PRPS2: variants seen among roughly 807,000 people sequenced by gnomAD.
PRPS2 encodes the protein phosphoribosyl pyrophosphate synthetase 2, also known as ribose-phosphate pyrophosphokinase 2.
For synonymous variants in PRPS2, 111 were observed against 115.3 expected (o/e 0.96, Z 0.24); for missense variants, 104 against 271.5 (o/e 0.38, Z 4.34).
intron 5 of PRPS2, among the ~76,000 whole-genome samples, chrX:12,820,325 G>A (rs1317988442): frequency 9.0e-6 from 1 of 111,674 alleles, no homozygotes; most frequent in Non-Finnish European, 1.9e-5. Context: ...GACATTTTTT[G>A]TTGTCACGGC....
intron 4 of PRPS2, among the ~76,000 whole-genome samples, chrX:12,810,816 C>T (rs2042620020): frequency 9.4e-6 from 1 of 106,306 alleles, no homozygotes; most frequent in Non-Finnish European, 1.9e-5. Context: ...CACCACTGCA[C>T]TCCAGCCTGG....
intron 2 of PRPS2, among the ~76,000 whole-genome samples, chrX:12,808,907 C>T (rs1044132526): frequency 4.5e-5 from 5 of 111,847 alleles, no homozygotes; most frequent in Non-Finnish European, 7.5e-5. Flanking sequence ...CTCTCTCTCT[C>T]GGTACCTTTT....
At chrX:12,795,707 A>G (rs1471240879) in intron 1 of PRPS2, among the ~76,000 whole-genome samples, 1 of 112,461 alleles carries the variant, frequency 8.9e-6, no homozygotes, top group Non-Finnish European at 1.9e-5. Flanking sequence ...GTGAGGACAG[A>G]GCCCTTATGA....
intron 4 of PRPS2, among the ~76,000 whole-genome samples, chrX:12,814,967 T>C (rs931447818): frequency 4.5e-5 from 5 of 111,813 alleles, no homozygotes; most frequent in African/African-American, 1.6e-4. Context: ...TGTAAATATG[T>C]GCCCAGAAGA....
intron 6 of PRPS2, among the ~76,000 whole-genome samples, chrX:12,822,351 C>T (rs1208103126): frequency 1.8e-5 from 2 of 112,078 alleles, no homozygotes; most frequent in Non-Finnish European, 3.8e-5. Flanking sequence ...ACGCAGTCAC[C>T]GCCTTTTCAG....
chrX:12,791,420 A>C lies in PRPS2; in HGVS notation c.-78A>C, dbSNP rs1282107207. ...CGCGCTTTCCCGCTCCCGCAGCAGC[A>C]GCCTCCCGCGTCGCTGTCGCTGTTG... On this transcript the variant is annotated 5_prime_UTR_variant, in exon 1 of 7. Coordinates refer to ENST00000380668, the MANE Select transcript of PRPS2 (RefSeq NM_002765.5). The C allele has an allele frequency of 5.4e-6, 6 of 1,116,200 alleles. No individual in the cohort carries two copies. Among genetic ancestry groups the C allele is most frequent in the Non-Finnish European group, 7.1e-6 (6 of 839,730 alleles). The allele number at this position is 1,116,200 out of a possible 1,213,427, so 92.0% of individuals were successfully genotyped here. A position where few individuals can be genotyped will look rare whatever the true frequency, so the allele number is the denominator to read the frequency against.
chrX:12,799,277 G>A lies in PRPS2; in HGVS notation c.193G>A (p.Asp65Asn). ...CCAGAGCGGCTGCGGGGAAATTAAC[G>A]ACAACCTGATGGAACTCCTCATCAT... is the stretch of plus-strand genomic sequence containing the variant. ...IIQSGCGEIN[D>N]NLMELLIMIN... Residue 65 changes from aspartate (D) to asparagine (N), a missense_variant, in exon 2 of 7, where the codon GAC (aspartate) becomes AAC (asparagine). By Grantham distance (23) the Asp-to-Asn change is conservative (BLOSUM62 1). Coordinates refer to ENST00000380668, the MANE Select transcript of PRPS2 (RefSeq NM_002765.5). The A allele has an allele frequency of 3.3e-6, 4 of 1,211,526 alleles. No homozygotes were observed. Among genetic ancestry groups the A allele is most frequent in the Non-Finnish European group, 3.4e-6 (3 of 895,419 alleles).
chrX:12,799,045 T>A (rs184691815), intron 1 of PRPS2, among the ~76,000 whole-genome samples, 162 bp from the exon 2 acceptor site: 2 of 111,970 alleles, frequency 1.8e-5, no homozygotes, highest in East Asian at 5.6e-4. Flanking sequence ...TTGCTGAGTT[T>A]GCTCTGTGTC....
At chrX:12,806,064 C>T (rs1178031567) in intron 2 of PRPS2, among the ~76,000 whole-genome samples, 1 of 100,109 alleles carries the variant, frequency 1.0e-5, no homozygotes, top group Non-Finnish European at 2.0e-5. Flanking sequence ...GGTGACAGAG[C>T]GGGACTCCGT....
chrX:12,793,869 C>G (rs997884917), intron 1 of PRPS2, among the ~76,000 whole-genome samples: 4 of 111,931 alleles, frequency 3.6e-5, no homozygotes, highest in Admixed American at 1.9e-4. Context: ...ACCTTCTTAT[C>G]CCTAAATCAT....
rs1340261489 is a variant in PRPS2, at chrX:12,822,923, A to G, written c.*127A>G. ...TGGCAAAAGCATCAGATCTTTGTAT[A>G]TGCTAAGATTTATTGTTTCCCCTTC... is the stretch of plus-strand genomic sequence containing the variant. On this transcript the variant is annotated 3_prime_UTR_variant, in exon 7 of 7. Coordinates refer to ENST00000380668, the MANE Select transcript of PRPS2 (RefSeq NM_002765.5). 1.2e-5 allele frequency: 6 copies of G among 491,749 alleles called. No individual in the cohort carries two copies. Among genetic ancestry groups the G allele is most frequent in the Non-Finnish European group, 2.1e-5 (6 of 287,022 alleles). 40.5% of individuals were successfully genotyped at this position (491,749 alleles called of 1,213,427 possible).
intron 1 of PRPS2, among the ~76,000 whole-genome samples, chrX:12,793,452 C>T (rs143549598): frequency 0.015 from 1,706 of 112,534 alleles, 10 homozygotes; most frequent in Middle Eastern, 0.055. Context: ...ATTTTATAAC[C>T]ATCACTTGAT....
rs912275114 is a variant in PRPS2 at position 12,823,140 on chromosome X, A to G, written c.*344A>G. On this transcript the variant is annotated 3_prime_UTR_variant, in exon 7 of 7. Coordinates refer to ENST00000380668, the MANE Select transcript of PRPS2 (RefSeq NM_002765.5). ...TATATAATTTCATTGTGGAAGTCAT[A>G]GTTTATATATTTCGAGGTTGCCAAA... The G allele has an allele frequency of 5.8e-6, 1 of 172,877 alleles. No individual in the cohort carries two copies. The highest frequency in any genetic ancestry group is 3.1e-5 in the African/African-American group (1 of 32,310). The allele number at this position is 172,877 out of a possible 1,213,427, so 14.2% of individuals were successfully genotyped here.
chrX:12,816,192 C>T (rs1266349), intron 4 of PRPS2, among the ~76,000 whole-genome samples: 1,421 of 111,379 alleles, frequency 0.013, 8 homozygotes, highest in Middle Eastern at 0.023. Flanking sequence ...GCTTCAAGGA[C>T]GTTGATGTCT....
At chrX:12,815,448 A>G (rs1232936960) in intron 4 of PRPS2, among the ~76,000 whole-genome samples, 1 of 111,561 alleles carries the variant, frequency 9.0e-6, no homozygotes, top group Non-Finnish European at 1.9e-5. Flanking sequence ...TGGGCTGTGG[A>G]TTGGTATCCT....
intron 6 of PRPS2, among the ~76,000 whole-genome samples, chrX:12,821,869 T>C (rs1203646868): frequency 1.8e-5 from 2 of 112,354 alleles, no homozygotes; most frequent in Non-Finnish European, 3.8e-5. Context: ...CAAAAGGGTT[T>C]GAGGCCCATT....
At chrX:12,802,956 A>C (rs1183772236) in intron 2 of PRPS2, among the ~76,000 whole-genome samples, 1 of 112,171 alleles carries the variant, frequency 8.9e-6, no homozygotes. Context: ...TGGCTTAGGA[A>C]GTCATGTGGT....
intron 1 of PRPS2, among the ~76,000 whole-genome samples, chrX:12,794,568 G>A (rs1006947558): frequency 3.2e-4 from 36 of 111,900 alleles, no homozygotes; most frequent in African/African-American, 9.4e-4. Flanking sequence ...TACCATGCCC[G>A]TTTATTGTTG....
At chrX:12,806,308 C>T (rs868446924) in intron 2 of PRPS2, among the ~76,000 whole-genome samples, 7 of 111,448 alleles carry the variant, frequency 6.3e-5, no homozygotes, top group Non-Finnish European at 1.1e-4. Context: ...TTTTTAAAAG[C>T]CTGTCAATTT....
Sources: allele counts gnomAD v4.1 joint callset (sites outside exome capture counted in the v4.1 genomes callset), GRCh38; gene constraint gnomAD v4.1.1; transcripts MANE v1.5; gene names NCBI Gene and HGNC (gene_info 2026-07-23, HGNC 2026-07-21).